The following MARCHF7 variants were observed in gnomAD, a reference collection of about 807,000 sequenced individuals.
MARCHF7 encodes the protein E3 ubiquitin-protein ligase MARCHF7.
Under a neutral mutation model 76.5 loss-of-function variants are expected in MARCHF7, and 20 were observed. The observed-to-expected ratio is 0.26, with a 90% CI of 0.18 to 0.38. MARCHF7 has a LOEUF of 0.38. Ranked by LOEUF, MARCHF7 falls within the 10% of genes least tolerant of loss-of-function variation. The pLI is 1.00. For missense variants in MARCHF7, 797 were observed against 812.9 expected, an observed-to-expected ratio of 0.98 and a Z score of 0.24; for synonymous variants, 295 against 293.0, an observed-to-expected ratio of 1.01 and a Z score of -0.07.
Position 159,748,783 on chromosome 2 carries a change from A to G in MARCHF7, c.1493A>G (p.Asp498Gly). Residue 498 changes from aspartate (D) to glycine (G), a missense_variant, in exon 7 of 12, where the codon GAC becomes GGC. This residue lies in a region of MARCHF7 where 643 missense variants were observed against 631.5 expected (regional missense o/e 1.02). Coordinates refer to ENST00000409175, the MANE Select transcript of MARCHF7 (RefSeq NM_001282805.2). ...CCAGCACTTGGGAGTAATTTGACCG[A>G]CAATGTCATGATCACAGTAGATATT... Reference protein sequence around the residue: ...VPPALGSNLTDNVMITVDIIP... With the variant: ...VPPALGSNLTGNVMITVDIIP... 3 of 1,614,180 alleles carry G rather than the reference A, an allele frequency of 1.9e-6. No homozygotes were observed. The highest frequency in any genetic ancestry group is 1.3e-5 in the African/African-American group (1 of 75,044).
intron 3 of MARCHF7, among the ~76,000 whole-genome samples, chr2:159,722,246 T>C (rs1406403055): frequency 6.6e-6 from 1 of 152,194 alleles, no homozygotes; most frequent in Non-Finnish European, 1.5e-5. Flanking sequence ...CAAGTGATTC[T>C]TGTGCCTCAG....
At position 159,749,352 on chromosome 2, in the gene MARCHF7, G is replaced by T. The variant is rs200021224; in HGVS notation, c.1613+449G>T. Among the ~76,000 whole-genome samples, 291 of 150,446 alleles carry T rather than the reference G, an allele frequency of 1.9e-3. 3 individuals carry two copies. Among genetic ancestry groups the T allele is most frequent in the South Asian group, 4.2e-3 (20 of 4,762 alleles). On this transcript the variant is annotated intron_variant, in intron 7 of 11. Transcript: ENST00000409175. ...GGTTGTTTTGTTTTTGTTTTTTTTT[G>T]TTGTTGTTGTTGTTGTTGAGATGGA...
intron 4 of MARCHF7, among the ~76,000 whole-genome samples, chr2:159,738,497 G>A (rs1036047490): frequency 2.0e-5 from 3 of 152,162 alleles, no homozygotes; most frequent in Admixed American, 6.5e-5. Flanking sequence ...TTAGCAAGGC[G>A]AAGAGGGGCT....
chr2:159,764,708 AT>A lies in MARCHF7; in HGVS notation c.2056+37del, dbSNP rs758511503. On this transcript the variant is annotated intron_variant, in intron 11 of 11. Transcript: ENST00000409175. ...AATTTCCCCTCCCCAGACTTGTTGA[AT>A]TTACTTTTGCAAATTAAACCCAAAG... The A allele has an allele frequency of 1.9e-6, 3 of 1,566,564 alleles. No individual in the cohort carries two copies. The African/African-American group carries it at 4.1e-5, about 22-fold the overall frequency.
chr2:159,760,708 C>CTTTTTTTTT (rs34933843), intron 9 of MARCHF7, among the ~76,000 whole-genome samples: 1 of 147,406 alleles, frequency 6.8e-6, no homozygotes, highest in Non-Finnish European at 1.5e-5. Context: ...CAGTTTTTTC[C>CTTTTTTTTT]TTTTTTGTTT....
rs1707990307 is a variant in MARCHF7, at chr2:159,768,161, C to G, written c.*819C>G. The stretch of plus-strand genomic sequence containing the variant: ...TAAATCCCACATTCAGAGTTTAAAA[C>G]ACTGGTTTTCAATGTGTTTTTTAGT... On this transcript the variant is annotated 3_prime_UTR_variant, in exon 12 of 12. Transcript: ENST00000409175. 1 of 152,494 alleles carries G rather than the reference C, an allele frequency of 6.6e-6. No individual in the cohort carries two copies. Among genetic ancestry groups the G allele is most frequent in the Non-Finnish European group, 1.5e-5 (1 of 67,960 alleles). 9.4% of individuals were successfully genotyped at this position (152,494 alleles called of 1,614,324 possible). A position where few individuals can be genotyped will look rare whatever the true frequency, so the allele number is the denominator to read the frequency against.
chr2:159,742,648 G>C (rs1199722780), intron 4 of MARCHF7, among the ~76,000 whole-genome samples: 1 of 152,056 alleles, frequency 6.6e-6, no homozygotes, highest in Non-Finnish European at 1.5e-5. Context: ...AAAGACTAAA[G>C]AAGAACTACA....
chr2:159,743,658 C>CG lies in MARCHF7; in HGVS notation c.346+407dup, dbSNP rs1704416592. ...ACATAATATTTATTTTCAGAAAATA[C>CG]GGAGGCTAAGGCAGGATGATCGCTT... is the stretch of plus-strand genomic sequence containing the variant. On this transcript the variant is annotated intron_variant, in intron 5 of 11. Transcript: ENST00000409175. 2.0e-5 allele frequency among the ~76,000 whole-genome samples: 3 copies of CG among 151,678 alleles called. No homozygotes were observed. The South Asian group carries it at 6.2e-4, about 31-fold the overall frequency.
intron 7 of MARCHF7, 79 bp downstream of exon 7, chr2:159,748,982 T>A: frequency 8.8e-7 from 1 of 1,140,664 alleles, no homozygotes; most frequent in South Asian, 2.1e-5. Context: ...TCTTTTCTTT[T>A]TTTTTTTTTT....
At chr2:159,749,296 A>G (rs1044860448) in intron 7 of MARCHF7, among the ~76,000 whole-genome samples, 4 of 151,134 alleles carry the variant, frequency 2.6e-5, no homozygotes, top group Admixed American at 1.3e-4. Context: ...TTCATTTCAA[A>G]ATTGGCTTCT....
intron 2 of MARCHF7, among the ~76,000 whole-genome samples, 174 bp downstream of exon 2, chr2:159,714,772 CG>C (rs1700845087): frequency 6.6e-6 from 1 of 151,936 alleles, no homozygotes; most frequent in Admixed American, 6.6e-5. Context: ...CATGGTGGTG[CG>C]GGTGTAGTGG....
chr2:159,727,245 T>TATGA lies in MARCHF7; in HGVS notation c.-14-1763_-14-1760dup, dbSNP rs1702275299. ...GACAAATATTGTATGATTCCACTTA[T>TATGA]ATGAGATACAGTCAGAGGCCTTGTA... On this transcript the variant is annotated intron_variant, in intron 3 of 11. Coordinates refer to ENST00000409175, the MANE Select transcript of MARCHF7 (RefSeq NM_001282805.2). 5.3e-5 allele frequency among the ~76,000 whole-genome samples: 8 copies of TATGA among 152,362 alleles called. 1 individual carries two copies. The South Asian group carries it at 1.7e-3, about 32-fold the overall frequency.
Position 159,737,049 on chromosome 2 carries a change from G to C in MARCHF7, c.154-6012G>C, listed in dbSNP as rs544179169. ...GGGAGCCAAATCTGTTACCTGTCTGGGTAGAGACTGGAAAGTTAATGAAAA... is the reference window on the plus strand; with the variant it reads ...GGGAGCCAAATCTGTTACCTGTCTGCGTAGAGACTGGAAAGTTAATGAAAA... On this transcript the variant is annotated intron_variant, in intron 4 of 11. Transcript: ENST00000409175. 9.9e-5 allele frequency among the ~76,000 whole-genome samples: 15 copies of C among 152,190 alleles called. No homozygotes were observed. The East Asian group carries it at 2.9e-3, about 29-fold the overall frequency.
At chr2:159,728,656 A>G (rs1451099620) in intron 3 of MARCHF7, among the ~76,000 whole-genome samples, 3 of 152,226 alleles carry the variant, frequency 2.0e-5, no homozygotes, top group Non-Finnish European at 4.4e-5. Flanking sequence ...AACAGGTATG[A>G]TCATTGAACA....
chr2:159,754,630 T>G (rs1419031887), intron 8 of MARCHF7, among the ~76,000 whole-genome samples: 2 of 152,078 alleles, frequency 1.3e-5, no homozygotes, highest in Non-Finnish European at 2.9e-5. Flanking sequence ...GTTTTTATTT[T>G]GAGACTTCTA....
Position 159,745,935 on chromosome 2 carries a change from C to T in MARCHF7, c.512C>T (p.Ser171Leu), listed in dbSNP as rs1704817711. ...CGAAGTGGTGATTTCACAACTTCATCATGTATGTATAAATTACATCAAGTA... is the reference window on the plus strand; with the variant it reads ...CGAAGTGGTGATTTCACAACTTCATTATGTATGTATAAATTACATCAAGTA... The part of the protein sequence containing the change: ...SHRSGDFTTS[S>L]YVQDRVPSYS... Residue 171 changes from serine (S) to leucine (L), a missense_variant and splice_region_variant, in exon 6 of 12, where the codon TCA (serine) becomes TTA (leucine). By Grantham distance (145) the Ser-to-Leu change is moderately radical. Coordinates refer to ENST00000409175, the MANE Select transcript of MARCHF7 (RefSeq NM_001282805.2). 6.2e-7 allele frequency: 1 copy of T among 1,606,606 alleles called. No individual in the cohort carries two copies.
At chr2:159,717,352 T>A (rs1168784385) in intron 3 of MARCHF7, among the ~76,000 whole-genome samples, 1 of 152,172 alleles carries the variant, frequency 6.6e-6, no homozygotes, top group East Asian at 1.9e-4. Context: ...ACTATAAGAA[T>A]AGATAGCCTC....
intron 3 of MARCHF7, among the ~76,000 whole-genome samples, chr2:159,726,137 A>C (rs757052648): frequency 4.6e-5 from 7 of 152,170 alleles, no homozygotes; most frequent in Non-Finnish European, 8.8e-5. Context: ...GGAAAGATTT[A>C]TTTGCCAGAG....
chr2:159,756,461 T>C (rs1376137222), intron 8 of MARCHF7, among the ~76,000 whole-genome samples: 1 of 151,532 alleles, frequency 6.6e-6, no homozygotes, highest in African/African-American at 2.4e-5. Context: ...CTGAGGCAGG[T>C]GGAGCACCTG....
Sources: allele counts gnomAD v4.1 joint callset (sites outside exome capture counted in the v4.1 genomes callset), GRCh38; gene constraint gnomAD v4.1.1; regional missense constraint gnomAD v4.1.1; transcripts MANE v1.5; gene names NCBI Gene and HGNC (gene_info 2026-07-23, HGNC 2026-07-21).